The following CSMD1 variants were observed in gnomAD, a reference collection of about 807,000 sequenced individuals.
The protein encoded by CSMD1 is CUB and Sushi multiple domains 1.
Under a neutral mutation model 417.5 loss-of-function variants are expected in CSMD1, and 213 were observed. The observed-to-expected ratio is 0.51, with a 90% CI of 0.46 to 0.57. The LOEUF (loss-of-function observed/expected upper bound fraction) is 0.57. Among genes scored for constraint, CSMD1 ranks in the 20% least tolerant of loss-of-function variants. The pLI is 0.00. For synonymous variants in CSMD1, 2,862 were observed against 1,736.8 expected (o/e 1.65, Z -16.11); for missense variants, 6,923 against 4,529.7 (o/e 1.53, Z -15.17).
At chr8:4,353,227 C>G (rs559490449) in intron 3 of CSMD1, among the ~76,000 whole-genome samples, 1 of 152,078 alleles carries the variant, frequency 6.6e-6, no homozygotes, top group Non-Finnish European at 1.5e-5. Flanking sequence ...ATCATGACGA[C>G]GGTTTCCCCC....
At chr8:3,445,546 T>C (rs1815246591) in intron 12 of CSMD1, among the ~76,000 whole-genome samples, 1 of 152,150 alleles carries the variant, frequency 6.6e-6, no homozygotes, top group Non-Finnish European at 1.5e-5. Context: ...TTTTTTTTAA[T>C]AGAACAGACT....
At chr8:4,085,948 A>G (rs967021073) in intron 3 of CSMD1, among the ~76,000 whole-genome samples, 7 of 152,302 alleles carry the variant, frequency 4.6e-5, no homozygotes, top group Admixed American at 6.5e-5. Context: ...TATTTCTTAC[A>G]AGTGCAAGTC....
chr8:3,192,168 C>G (rs906281527), intron 33 of CSMD1, among the ~76,000 whole-genome samples: 3 of 152,150 alleles, frequency 2.0e-5, no homozygotes, highest in African/African-American at 7.2e-5. Context: ...ATAAAAGTGT[C>G]TACCTTTCTA....
chr8:3,925,858 T>C (rs1809622896), intron 5 of CSMD1, among the ~76,000 whole-genome samples: 1 of 151,992 alleles, frequency 6.6e-6, no homozygotes, highest in Admixed American at 6.6e-5. Context: ...TTGGGGACCT[T>C]TATTAATTTA....
At chr8:3,309,552 G>T (rs914650518) in intron 23 of CSMD1, among the ~76,000 whole-genome samples, 1 of 152,176 alleles carries the variant, frequency 6.6e-6, no homozygotes, top group African/African-American at 2.4e-5. Context: ...AATATTTTAA[G>T]GCCATCTGTG....
At chr8:3,599,952 G>A (rs111432688) in intron 8 of CSMD1, among the ~76,000 whole-genome samples, 59 of 152,174 alleles carry the variant, frequency 3.9e-4, no homozygotes, top group East Asian at 2.3e-3. Flanking sequence ...GCAAAGTGTC[G>A]GTCTCTACAA....
intron 3 of CSMD1, among the ~76,000 whole-genome samples, chr8:4,256,866 G>A (rs973936445): frequency 6.6e-6 from 1 of 152,190 alleles, no homozygotes; most frequent in Non-Finnish European, 1.5e-5. Flanking sequence ...ATCGCATAAA[G>A]GGGGAGAATC....
At chr8:3,173,887 C>G (rs1412506305) in intron 37 of CSMD1, among the ~76,000 whole-genome samples, 3 of 152,118 alleles carry the variant, frequency 2.0e-5, no homozygotes. Flanking sequence ...AGGGGCTAAT[C>G]CAAGTTATCT....
chr8:4,246,698 T>C (rs543046721), intron 3 of CSMD1, among the ~76,000 whole-genome samples: 19 of 152,288 alleles, frequency 1.2e-4, no homozygotes, highest in African/African-American at 4.6e-4. Context: ...CCTTAATTTT[T>C]CATTGTTTTT....
intron 11 of CSMD1, among the ~76,000 whole-genome samples, chr8:3,479,946 G>C (rs1347913467): frequency 2.0e-5 from 3 of 152,106 alleles, no homozygotes; most frequent in Non-Finnish European, 2.9e-5. Flanking sequence ...TAACAGAAGA[G>C]AAAACTAAAA....
At chr8:4,372,909 A>G (rs555823815) in intron 3 of CSMD1, among the ~76,000 whole-genome samples, 2 of 152,352 alleles carry the variant, frequency 1.3e-5, no homozygotes, top group Admixed American at 6.5e-5. Flanking sequence ...GTAACTCCCC[A>G]TCCCTTAAGC....
intron 41 of CSMD1, 123 bp from the exon 42 acceptor site, chr8:3,118,710 A>G: frequency 1.3e-6 from 1 of 794,102 alleles, no homozygotes; most frequent in Non-Finnish European, 2.0e-6. Context: ...TTAATAAGGT[A>G]TATTTTCTAA....
intron 2 of CSMD1, among the ~76,000 whole-genome samples, chr8:4,446,406 T>C (rs1563182716): frequency 6.6e-6 from 1 of 152,028 alleles, no homozygotes; most frequent in Non-Finnish European, 1.5e-5. Flanking sequence ...AAAGTAGCCA[T>C]GGGTGGTGGT....
At chr8:3,284,521 G>A in intron 25 of CSMD1, 175 bp from the exon 26 acceptor site, 1 of 610,928 alleles carries the variant, frequency 1.6e-6, no homozygotes, top group Admixed American at 2.7e-5. Flanking sequence ...AGATAATTCA[G>A]GAGTGTAAAT....
chr8:4,175,376 G>T (rs755581753), intron 3 of CSMD1, among the ~76,000 whole-genome samples: 2 of 152,102 alleles, frequency 1.3e-5, no homozygotes, highest in African/African-American at 4.8e-5. Context: ...TTGGGCTCTA[G>T]TCTGATCTTC....
rs77035934 is a variant in CSMD1, at chr8:4,192,677, A to G, written c.416-160578T>C. ...TGAGAAAAACCTTAAATCTGCACTT[A>G]AATCTTAAATCTGTATTGCTCACCA... On this transcript the variant is annotated intron_variant, in intron 3 of 69. Coordinates refer to ENST00000635120, the MANE Select transcript of CSMD1 (RefSeq NM_033225.6). 3.9e-5 allele frequency among the ~76,000 whole-genome samples: 6 copies of G among 152,272 alleles called. No homozygotes were observed. In the East Asian group the frequency reaches 1.2e-3, roughly 29 times the overall value.
At chr8:3,897,107 A>T (rs1807422200) in intron 5 of CSMD1, among the ~76,000 whole-genome samples, 1 of 152,196 alleles carries the variant, frequency 6.6e-6, no homozygotes, top group African/African-American at 2.4e-5. Context: ...GGATGTATTC[A>T]TGACAGCACT....
chr8:4,434,128 A>C (rs34609478), intron 2 of CSMD1, among the ~76,000 whole-genome samples: 37,841 of 152,120 alleles, frequency 0.25, 5,133 homozygotes, highest in Middle Eastern at 0.33. Flanking sequence ...ACTTCAGGTC[A>C]GGAGTTTGAG....
chr8:4,053,958 C>T (rs10503230), intron 3 of CSMD1, among the ~76,000 whole-genome samples: 4,528 of 152,142 alleles, frequency 0.03, 222 homozygotes, highest in African/African-American at 0.1. Flanking sequence ...TTCTTTATTA[C>T]CGTGCATTCA....
Sources: gnomAD v4.1 joint callset for allele counts (sites outside exome capture counted in the v4.1 genomes callset) on GRCh38, gnomAD v4.1.1 for gene constraint, MANE v1.5 for transcripts, NCBI Gene and HGNC (gene_info 2026-07-23, HGNC 2026-07-21) for gene names.